PTPRA: variants seen among roughly 807,000 people sequenced by gnomAD.
The protein encoded by PTPRA is protein tyrosine phosphatase receptor type A.
Under a neutral mutation model 104.8 loss-of-function variants are expected in PTPRA, and 25 were observed. The observed-to-expected ratio is 0.24, with a 90% CI of 0.17 to 0.33. PTPRA has a LOEUF of 0.33. PTPRA is among the 10% of genes least tolerant of loss of function. The pLI is 1.00. For missense variants in PTPRA, 765 were observed against 1,015.3 expected (o/e 0.75, Z 3.35); for synonymous variants, 323 against 368.9 (o/e 0.88, Z 1.43).
At chr20:2,957,904 C>T (rs764212307) in intron 3 of PTPRA, among the ~76,000 whole-genome samples, 2 of 150,230 alleles carry the variant, frequency 1.3e-5, no homozygotes, top group African/African-American at 2.4e-5. Context: ...TCCACTGAAG[C>T]GGAAATAGTG....
At chr20:2,998,264 TAGTC>T (rs1468034713) in intron 9 of PTPRA, among the ~76,000 whole-genome samples, 1 of 149,876 alleles carries the variant, frequency 6.7e-6, no homozygotes, top group Non-Finnish European at 1.5e-5. Flanking sequence ...GCCAGTGAAA[TAGTC>T]AGAATCTGTG....
At chr20:2,986,381 T>C (rs960917138) in intron 6 of PTPRA, among the ~76,000 whole-genome samples, 1 of 152,228 alleles carries the variant, frequency 6.6e-6, no homozygotes, top group African/African-American at 2.4e-5. Flanking sequence ...CAGAATTGAA[T>C]GTGTTCATGC....
chr20:2,978,954 T>C (rs1163757368), intron 6 of PTPRA, among the ~76,000 whole-genome samples: 1 of 152,244 alleles, frequency 6.6e-6, no homozygotes, highest in Non-Finnish European at 1.5e-5. Flanking sequence ...TGTGAACTTG[T>C]GGATGCCAAA....
chr20:2,878,432 A>T (rs1175821667), intron 1 of PTPRA, among the ~76,000 whole-genome samples: 1 of 151,650 alleles, frequency 6.6e-6, no homozygotes, highest in Admixed American at 6.6e-5. Context: ...CTAGTCTTGA[A>T]CTCCTGGACT....
At chr20:2,949,458 C>A (rs1324182464) in intron 3 of PTPRA, among the ~76,000 whole-genome samples, 1 of 151,640 alleles carries the variant, frequency 6.6e-6, no homozygotes, top group Non-Finnish European at 1.5e-5. Context: ...ATTTCTTTTT[C>A]TTTTTAAAAT....
intron 11 of PTPRA, among the ~76,000 whole-genome samples, chr20:3,014,643 CA>C (rs550501595): frequency 1.4e-4 from 19 of 140,032 alleles, no homozygotes; most frequent in Non-Finnish European, 1.2e-4. Flanking sequence ...GACTCCGTCT[CA>C]AAAAAAAAAA....
At chr20:2,994,128 T>A (rs532554904) in intron 9 of PTPRA, among the ~76,000 whole-genome samples, 1 of 152,354 alleles carries the variant, frequency 6.6e-6, no homozygotes, top group East Asian at 1.9e-4. Flanking sequence ...AAAGATGCAT[T>A]TCCCTTTACC....
intron 11 of PTPRA, among the ~76,000 whole-genome samples, chr20:3,014,329 T>G (rs1319386043): frequency 6.6e-6 from 1 of 152,212 alleles, no homozygotes; most frequent in African/African-American, 2.4e-5. Flanking sequence ...TGCCCTTGTT[T>G]GAACTGAAAT....
intron 3 of PTPRA, among the ~76,000 whole-genome samples, chr20:2,961,713 C>T (rs1230808196): frequency 6.6e-6 from 1 of 152,134 alleles, no homozygotes; most frequent in Non-Finnish European, 1.5e-5. Flanking sequence ...TAGATTTTCT[C>T]CTGTTATCTT....
chr20:3,005,471 G>C (rs2063819936), intron 10 of PTPRA, among the ~76,000 whole-genome samples: 1 of 152,094 alleles, frequency 6.6e-6, no homozygotes, highest in Non-Finnish European at 1.5e-5. Context: ...GATCCCTTGA[G>C]CCCAGGGGGG....
intron 2 of PTPRA, among the ~76,000 whole-genome samples, chr20:2,923,833 C>G (rs1197617506): frequency 6.6e-6 from 1 of 152,012 alleles, no homozygotes; most frequent in Non-Finnish European, 1.5e-5. Flanking sequence ...AAAGTTAATG[C>G]CCTGCCAGCA....
chr20:3,002,185 T>C (rs981560143), intron 9 of PTPRA, among the ~76,000 whole-genome samples: 46 of 151,760 alleles, frequency 3.0e-4, no homozygotes, highest in African/African-American at 9.7e-4. Context: ...GACAAAAAAT[T>C]GGTTCCCTTT....
Position 3,017,044 on chromosome 20 carries a change from GT to G in PTPRA, c.944-765del, listed in dbSNP as rs759964858. 2.1e-3 allele frequency among the ~76,000 whole-genome samples: 323 copies of G among 152,156 alleles called. 1 individual carries two copies. The highest frequency in any genetic ancestry group is 3.5e-3 in the Admixed American group (54 of 15,268). ...ACAGTATTATGTTATTTTTTGTATA[GT>G]TTTTTTCCCCCTTCTTTTTTAGTCA... On this transcript the variant is annotated intron_variant, in intron 12 of 23. Coordinates refer to ENST00000399903, the MANE Select transcript of PTPRA (RefSeq NM_001385305.1).
At chr20:2,921,396 C>T (rs1167673511) in intron 1 of PTPRA, among the ~76,000 whole-genome samples, 1 of 140,518 alleles carries the variant, frequency 7.1e-6, no homozygotes, top group Non-Finnish European at 1.5e-5. Context: ...ACTGTATATA[C>T]AGAGTATACC....
chr20:3,020,047 A>T (rs1320663248), intron 13 of PTPRA, among the ~76,000 whole-genome samples: 2 of 150,624 alleles, frequency 1.3e-5, no homozygotes, highest in African/African-American at 2.4e-5. Flanking sequence ...TCGGCTCGGC[A>T]TCGGAGGGAG....
At chr20:2,941,011 GGT>G (rs879303724) in intron 2 of PTPRA, among the ~76,000 whole-genome samples, 1,454 of 140,824 alleles carry the variant, frequency 0.01, 9 homozygotes, top group Non-Finnish European at 0.016. Flanking sequence ...CTTTTCTTCT[GGT>G]TTTTTTTTGG....
chr20:2,940,344 C>G (rs1186619405), intron 2 of PTPRA, among the ~76,000 whole-genome samples: 1 of 150,384 alleles, frequency 6.6e-6, no homozygotes, highest in Non-Finnish European at 1.5e-5. Flanking sequence ...TTTAAAGAGA[C>G]CGGGTCTCGC....
intron 9 of PTPRA, among the ~76,000 whole-genome samples, chr20:2,992,265 C>T (rs1027824712): frequency 1.3e-5 from 2 of 152,104 alleles, no homozygotes; most frequent in African/African-American, 4.8e-5. Context: ...GCCTGTAATC[C>T]CTGCACTTTG....
chr20:2,865,034 CAAG>C, the PTPRA span: 1 of 1,614,142 alleles, frequency 6.2e-7, no homozygotes, highest in Non-Finnish European at 8.5e-7. The surrounding 1 kb of genome is among the most constrained non-coding windows in gnomAD (Gnocchi z 5.2). Flanking sequence ...TCTACAAGGC[CAAG>C]AATGAGTTTG....
Sources: allele counts gnomAD v4.1 joint callset (sites outside exome capture counted in the v4.1 genomes callset), GRCh38; gene constraint gnomAD v4.1.1; non-coding constraint Gnocchi (gnomAD v3.1); transcripts MANE v1.5; gene names NCBI Gene and HGNC (gene_info 2026-07-23, HGNC 2026-07-21).